The following TMEM35A variants were observed in gnomAD, a reference collection of about 807,000 sequenced individuals.
The protein encoded by TMEM35A is transmembrane protein 35A.
For synonymous variants in TMEM35A, 50 were observed against 54.7 expected (o/e 0.91, Z 0.38); for missense variants, 83 against 132.7 (o/e 0.63, Z 1.84).
At chrX:101,094,439 A>C in intron 1 of TMEM35A, 134 bp from the exon 2 acceptor site, 1 of 593,112 alleles carries the variant, frequency 1.7e-6, no homozygotes, top group Admixed American at 4.2e-5. Flanking sequence ...CATATAATTA[A>C]GATAAGAAAA....
At position 101,094,793 on chromosome X, in the gene TMEM35A, G is replaced by A. The variant is rs766408121; in HGVS notation, c.341G>A (p.Arg114His). ...FHQLVGDPLK[R>H]YAHALVFGIL... ...CAGCTGGTCGGTGATCCTCTCAAAC[G>A]CTACGCCCATGCTCTGGTGTTTGGA... The change falls in exon 2 of 2, where the codon CGC (arginine) becomes CAC (histidine). Residue 114 changes from arginine (R) to histidine (H), a missense_variant. Coordinates refer to ENST00000372930, the MANE Select transcript of TMEM35A (RefSeq NM_021637.3). 12 of 1,211,121 alleles carry A rather than the reference G, an allele frequency of 9.9e-6. No individual in the cohort carries two copies. The Admixed American group carries it at 1.3e-4, about 13-fold the overall frequency.
At chrX:101,080,472 C>T (rs970994910) in intron 1 of TMEM35A, among the ~76,000 whole-genome samples, 1 of 111,597 alleles carries the variant, frequency 9.0e-6, no homozygotes. Flanking sequence ...GGGCTTAGGT[C>T]TAGCCCCAGT....
intron 1 of TMEM35A, among the ~76,000 whole-genome samples, chrX:101,085,873 G>A (rs1194713277): frequency 1.8e-5 from 2 of 110,379 alleles, no homozygotes; most frequent in Non-Finnish European, 3.8e-5. Flanking sequence ...GGAGGTAGAG[G>A]TTGCAGTGAG....
rs1399582162 is a variant in TMEM35A, at chrX:101,095,319, GCGCGCA to G, written c.*371_*376del. 1.6e-5 allele frequency: 2 copies of G among 127,808 alleles called. No individual in the cohort carries two copies. Among genetic ancestry groups the G allele is most frequent in the Non-Finnish European group, 3.0e-5 (2 of 66,185 alleles). 10.5% of individuals were successfully genotyped at this position (127,808 alleles called of 1,213,427 possible). The stretch of plus-strand genomic sequence containing the variant: ...TGTGTGTGTGTGTGTGTGCGCGCGC[GCGCGCA>G]CGCGCACACACTCACGCACACACAA... On this transcript the variant is annotated 3_prime_UTR_variant, in exon 2 of 2. Transcript: ENST00000372930.
intron 1 of TMEM35A, among the ~76,000 whole-genome samples, chrX:101,092,229 C>G (rs2089326245): frequency 9.1e-6 from 1 of 110,210 alleles, no homozygotes; most frequent in Non-Finnish European, 1.9e-5. Context: ...AGAAAATAAA[C>G]ATTGAATGAA....
intron 1 of TMEM35A, among the ~76,000 whole-genome samples, chrX:101,079,408 C>T (rs2089285309): frequency 9.0e-6 from 1 of 111,645 alleles, no homozygotes; most frequent in Admixed American, 9.6e-5. Context: ...TAGCACCTGT[C>T]ATTGGCAGGA....
chrX:101,092,339 G>T (rs929184948), intron 1 of TMEM35A, among the ~76,000 whole-genome samples: 4 of 111,745 alleles, frequency 3.6e-5, no homozygotes, highest in Non-Finnish European at 7.5e-5. Context: ...GGCCAAAATG[G>T]ATAGTGAAAA....
At chrX:101,080,131 A>C (rs1008408449) in intron 1 of TMEM35A, among the ~76,000 whole-genome samples, 2 of 111,564 alleles carry the variant, frequency 1.8e-5, no homozygotes, top group Admixed American at 9.6e-5. Context: ...AATAATGGGA[A>C]GGAGCACATC....
chrX:101,092,259 A>G (rs2089326326), intron 1 of TMEM35A, among the ~76,000 whole-genome samples: 2 of 111,882 alleles, frequency 1.8e-5, no homozygotes, highest in African/African-American at 6.5e-5. Flanking sequence ...ACTAAAAGAA[A>G]ACAAAGCAGT....
Position 101,091,078 on chromosome X carries a change from C to T in TMEM35A, c.121-3495C>T, listed in dbSNP as rs192018676. On this transcript the variant is annotated intron_variant, in intron 1 of 1. Coordinates refer to ENST00000372930, the MANE Select transcript of TMEM35A (RefSeq NM_021637.3). ...CTGGTCTCGAACTCCTGACCTCAGG[C>T]GATCCACCCGCCTCGGCCTCCCAAA... is the stretch of plus-strand genomic sequence containing the variant. Among the ~76,000 whole-genome samples, 494 of 110,098 alleles carry T rather than the reference C, an allele frequency of 4.5e-3. 3 individuals are homozygous for T. The highest frequency in any genetic ancestry group is 7.8e-3 in the Non-Finnish European group (409 of 52,710).
chrX:101,089,504 C>T (rs2089316922), intron 1 of TMEM35A, among the ~76,000 whole-genome samples: 1 of 107,353 alleles, frequency 9.3e-6, no homozygotes, highest in Non-Finnish European at 1.9e-5. Flanking sequence ...ATAATTTGCT[C>T]AGAGACACCC....
chrX:101,090,165 C>CTTTTTTTTTTTTTT (rs1569495904), intron 1 of TMEM35A, among the ~76,000 whole-genome samples: 3 of 98,160 alleles, frequency 3.1e-5, no homozygotes, highest in African/African-American at 1.5e-4. Flanking sequence ...CCATTTCTTT[C>CTTTTTTTTTTTTTT]TTTCTTTTTT....
intron 1 of TMEM35A, among the ~76,000 whole-genome samples, chrX:101,082,115 T>G (rs2089293501): frequency 1.0e-5 from 1 of 100,295 alleles, no homozygotes; most frequent in Non-Finnish European, 2.0e-5. Context: ...TTGATTTCTT[T>G]TTTCTTTTTC....
Position 101,081,116 on chromosome X carries a change from T to C in TMEM35A, c.120+1994T>C, listed in dbSNP as rs771802619. On this transcript the variant is annotated intron_variant, in intron 1 of 1. Transcript: ENST00000372930. Reference sequence around the variant, plus strand: ...ACATAGGAACATATTTAAATAGATATAGTGTAACACAGCAATATAGAACCA... The same window carrying C: ...ACATAGGAACATATTTAAATAGATACAGTGTAACACAGCAATATAGAACCA... Among the ~76,000 whole-genome samples the C allele has an allele frequency of 5.3e-5, 6 of 112,639 alleles. 1 individual carries two copies. The Middle Eastern group carries it at 0.019, about 348-fold the overall frequency.
chrX:101,085,704 G>A (rs761604561), intron 1 of TMEM35A, among the ~76,000 whole-genome samples: 27 of 110,675 alleles, frequency 2.4e-4, no homozygotes, highest in African/African-American at 5.9e-4. Flanking sequence ...TGAGGCGGGC[G>A]GATCACGAGG....
chrX:101,080,880 G>GC (rs1414221217), intron 1 of TMEM35A, among the ~76,000 whole-genome samples: 7 of 109,663 alleles, frequency 6.4e-5, no homozygotes, highest in Admixed American at 4.9e-4. Context: ...TGCTTCAGAG[G>GC]CCCCCCCAAG....
In TMEM35A at chrX:101,095,487, C is replaced by T. The variant is rs1227054468; in HGVS notation, c.*531C>T. Reference sequence around the variant, plus strand: ...GAAACAAGTCATGTAGTCTCATGGCCGGGAATCTCTCCACAGATACTAACA... The same window carrying T: ...GAAACAAGTCATGTAGTCTCATGGCTGGGAATCTCTCCACAGATACTAACA... On this transcript the variant is annotated 3_prime_UTR_variant, in exon 2 of 2. Transcript: ENST00000372930. 9.3e-6 allele frequency: 1 copy of T among 107,274 alleles called. No homozygotes were observed. Among genetic ancestry groups the T allele is most frequent in the African/African-American group, 3.4e-5 (1 of 29,040 alleles). The allele number at this position is 107,274 out of a possible 1,213,427, so 8.8% of individuals were successfully genotyped here.
Position 101,095,259 on chromosome X carries a change from T to C in TMEM35A, c.*303T>C. Reference sequence around the variant, plus strand: ...TCCAACAAGCATGTGACTGTGAGATTGTGTGTGGGAAAATGTATTTAACTA... The same window carrying C: ...TCCAACAAGCATGTGACTGTGAGATCGTGTGTGGGAAAATGTATTTAACTA... On this transcript the variant is annotated 3_prime_UTR_variant, in exon 2 of 2. Coordinates refer to ENST00000372930, the MANE Select transcript of TMEM35A (RefSeq NM_021637.3). The C allele has an allele frequency of 3.9e-6, 1 of 255,165 alleles. No homozygotes were observed. Among genetic ancestry groups the C allele is most frequent in the South Asian group, 8.6e-5 (1 of 11,602 alleles). 21.0% of individuals were successfully genotyped at this position (255,165 alleles called of 1,213,427 possible).
chrX:101,088,946 C>T (rs931920549), intron 1 of TMEM35A, among the ~76,000 whole-genome samples: 5 of 109,945 alleles, frequency 4.5e-5, no homozygotes, highest in South Asian at 3.9e-4. Flanking sequence ...ATTTTTTCCC[C>T]GTAATGTCCC....
Sources: gnomAD v4.1 joint callset for allele counts (sites outside exome capture counted in the v4.1 genomes callset) on GRCh38, gnomAD v4.1.1 for gene constraint, MANE v1.5 for transcripts, NCBI Gene and HGNC (gene_info 2026-07-23, HGNC 2026-07-21) for gene names.